Variants in WDR93 observed in about 807,000 individuals in gnomAD.
WDR93 encodes the protein WD repeat domain 93.
In WDR93, 73 loss-of-function variants were observed where a neutral mutation model predicts 82.9. The observed-to-expected ratio is 0.88, with a 90% CI of 0.73 to 1.07. WDR93 has a LOEUF of 1.07. Ranked by LOEUF, WDR93 falls within the 50% of genes least tolerant of loss-of-function variation. The pLI is 0.00. For synonymous variants in WDR93, 283 were observed against 300.1 expected (o/e 0.94, Z 0.59); for missense variants, 738 against 826.0 (o/e 0.89, Z 1.31).
At chr15:89,711,552 A>T (rs1965979635) in intron 4 of WDR93, among the ~76,000 whole-genome samples, 1 of 151,636 alleles carries the variant, frequency 6.6e-6, no homozygotes, top group African/African-American at 2.4e-5. Flanking sequence ...AGATAGCATA[A>T]CCATTCACAT....
intron 1 of WDR93, among the ~76,000 whole-genome samples, chr15:89,693,752 A>G (rs973937101): frequency 2.0e-5 from 3 of 152,254 alleles, no homozygotes; most frequent in Non-Finnish European, 1.5e-5. Flanking sequence ...AATGTGTAAG[A>G]TAATTGCTTA....
chr15:89,690,903 G>C (rs2141560308), intron 1 of WDR93, 46 bp downstream of exon 1: 3 of 446,146 alleles, frequency 6.7e-6, no homozygotes, highest in East Asian at 8.5e-5. Context: ...CTCCCCTCGA[G>C]TCCCAGGACT....
intron 13 of WDR93, among the ~76,000 whole-genome samples, chr15:89,734,020 CG>C (rs1966963085): frequency 2.0e-5 from 3 of 151,786 alleles, no homozygotes; most frequent in Admixed American, 1.3e-4. Flanking sequence ...TGTGCGCGCG[CG>C]CATGTGTGTA....
At chr15:89,714,714 G>A (rs1372552332) in intron 5 of WDR93, among the ~76,000 whole-genome samples, 3 of 152,318 alleles carry the variant, frequency 2.0e-5, no homozygotes, top group South Asian at 4.1e-4. Context: ...GCTGTTGCAT[G>A]AGTGCTGTTA....
chr15:89,734,451 A>T (rs552583619), intron 13 of WDR93, among the ~76,000 whole-genome samples: 86 of 152,302 alleles, frequency 5.6e-4, no homozygotes, highest in African/African-American at 2.0e-3. Context: ...TGGTAGTCTA[A>T]GGGCTCCTAG....
chr15:89,733,630 G>A (rs1419839266), intron 13 of WDR93, among the ~76,000 whole-genome samples: 1 of 152,052 alleles, frequency 6.6e-6, no homozygotes, highest in Non-Finnish European at 1.5e-5. Flanking sequence ...ATAAGAAAAG[G>A]AAGAGATACC....
chr15:89,706,593 C>T (rs1258724468), intron 4 of WDR93, among the ~76,000 whole-genome samples: 1 of 152,060 alleles, frequency 6.6e-6, no homozygotes, highest in African/African-American at 2.4e-5. Context: ...CTCAACTCTA[C>T]TTCACACCAT....
chr15:89,735,599 C>G, intron 14 of WDR93, 46 bp downstream of exon 14: 1 of 1,574,992 alleles, frequency 6.3e-7, no homozygotes, highest in Middle Eastern at 1.7e-4. Context: ...CCTCTCATTT[C>G]TCTTCTGTGA....
chr15:89,707,555 C>A (rs1232813153), intron 4 of WDR93, among the ~76,000 whole-genome samples: 1 of 151,770 alleles, frequency 6.6e-6, no homozygotes. Flanking sequence ...TCAAAACACA[C>A]AGATACACAC....
At chr15:89,713,112 G>C (rs1001176832) in intron 5 of WDR93, among the ~76,000 whole-genome samples, 1 of 132,844 alleles carries the variant, frequency 7.5e-6, no homozygotes, top group African/African-American at 2.8e-5. Context: ...AACAAAGAGC[G>C]AAACTCCATC....
At chr15:89,716,432 T>C (rs1205103476) in intron 6 of WDR93, among the ~76,000 whole-genome samples, 2 of 152,230 alleles carry the variant, frequency 1.3e-5, no homozygotes, top group South Asian at 2.1e-4. Flanking sequence ...GTTATCCAAA[T>C]AGGAAAAGCA....
intron 15 of WDR93, 27 bp downstream of exon 15, chr15:89,737,756 C>G: frequency 6.2e-7 from 1 of 1,613,260 alleles, no homozygotes; most frequent in South Asian, 1.1e-5. Context: ...GGGCTGATGC[C>G]CACTGACCAT....
intron 14 of WDR93, among the ~76,000 whole-genome samples, chr15:89,735,973 C>T (rs1242034396): frequency 6.6e-6 from 1 of 152,148 alleles, no homozygotes; most frequent in Non-Finnish European, 1.5e-5. Context: ...CAGGAAGTCC[C>T]AGTATCTGCC....
chr15:89,691,586 G>C (rs530098332), intron 1 of WDR93, among the ~76,000 whole-genome samples: 5 of 152,290 alleles, frequency 3.3e-5, no homozygotes, highest in South Asian at 4.1e-4. Context: ...CGGGCGTGGT[G>C]GTGGGCGCCT....
At chr15:89,716,785 C>T in intron 6 of WDR93, 126 bp from the exon 7 acceptor site, 2 of 701,928 alleles carry the variant, frequency 2.8e-6, no homozygotes, top group Non-Finnish European at 2.4e-6. Flanking sequence ...ACTGGCCCTC[C>T]ACATCTGTTG....
At chr15:89,729,814 A>AAGTCCT in intron 11 of WDR93, 45 bp downstream of exon 11, 1 of 1,474,690 alleles carries the variant, frequency 6.8e-7, no homozygotes, top group Non-Finnish European at 9.5e-7. Context: ...CAGGACTTGC[A>AAGTCCT]GACATGTCCT....
At chr15:89,690,596 C>T, upstream of WDR93, 1 of 1,551,402 alleles carries the variant, frequency 6.4e-7, no homozygotes, top group Non-Finnish European at 8.7e-7. Context: ...CGGTCCCGGC[C>T]CTGGGTCTGG....
chr15:89,698,683 C>T (rs1289634804), intron 1 of WDR93, among the ~76,000 whole-genome samples: 3 of 152,072 alleles, frequency 2.0e-5, no homozygotes, highest in African/African-American at 7.2e-5. Flanking sequence ...TTTCTCCCCT[C>T]CTAGTGCTTG....
Position 89,729,669 on chromosome 15 carries a change from CG to C in WDR93, c.1124-13del, listed in dbSNP as rs1376080430. 35 of 1,608,620 alleles carry C rather than the reference CG, an allele frequency of 2.2e-5. No homozygotes were observed. The African/African-American group carries it at 4.1e-4, about 19-fold the overall frequency. Reference sequence around the variant, plus strand: ...TAACACCCATTTTCTGTCTTTCCCCCGCCCCCCCACCAGGAATGGCCTGTGT... The same window carrying C: ...TAACACCCATTTTCTGTCTTTCCCCCCCCCCCCACCAGGAATGGCCTGTGT... On this transcript the variant is annotated splice_polypyrimidine_tract_variant and intron_variant, in intron 10 of 16. Coordinates refer to ENST00000268130, the MANE Select transcript of WDR93 (RefSeq NM_020212.2).
Sources: allele counts gnomAD v4.1 joint callset (sites outside exome capture counted in the v4.1 genomes callset), GRCh38; gene constraint gnomAD v4.1.1; transcripts MANE v1.5; gene names NCBI Gene and HGNC (gene_info 2026-07-23, HGNC 2026-07-21).